GAB2: variants seen among roughly 807,000 people sequenced by gnomAD.
GAB2 encodes GRB2 associated binding protein 2.
In GAB2, 26 loss-of-function variants were observed where a neutral mutation model predicts 65.5. The ratio of observed to expected loss-of-function variants is 0.40; its 90% CI spans 0.29 to 0.55. The LOEUF is 0.55. Among genes scored for constraint, GAB2 ranks in the 20% least tolerant of loss-of-function variants. The pLI is 0.53. For synonymous variants in GAB2, 321 were observed against 329.6 expected (o/e 0.97, Z 0.28); for missense variants, 884 against 875.8 (o/e 1.01, Z -0.12).
chr11:78,302,781 T>C (rs568744052), intron 1 of GAB2, among the ~76,000 whole-genome samples: 19 of 152,296 alleles, frequency 1.2e-4, no homozygotes, highest in Non-Finnish European at 2.5e-4. Flanking sequence ...CCATCCCAAA[T>C]ACCTATCAAT....
intron 1 of GAB2, among the ~76,000 whole-genome samples, chr11:78,330,057 A>G (rs1855889689): frequency 6.6e-6 from 1 of 152,192 alleles, no homozygotes; most frequent in Non-Finnish European, 1.5e-5. Flanking sequence ...CGGCTGAGGT[A>G]TTATCCAGCC....
intron 2 of GAB2, among the ~76,000 whole-genome samples, chr11:78,267,110 G>A (rs565882009): frequency 6.6e-6 from 1 of 152,296 alleles, no homozygotes; most frequent in South Asian, 2.1e-4. Context: ...CATAAAAGCA[G>A]GACAGGGTCC....
chr11:78,225,479 A>G (rs1331114670), intron 4 of GAB2, among the ~76,000 whole-genome samples: 1 of 152,006 alleles, frequency 6.6e-6, no homozygotes, highest in Non-Finnish European at 1.5e-5. Context: ...TACACCACTC[A>G]CCTGTCCTGC....
intron 1 of GAB2, among the ~76,000 whole-genome samples, chr11:78,314,494 C>G (rs1855561229): frequency 1.3e-5 from 2 of 152,182 alleles, no homozygotes; most frequent in East Asian, 1.9e-4. Flanking sequence ...CCACCTTGAT[C>G]TTCTGCTAGT....
At chr11:78,240,833 CAG>C (rs1432781780) in intron 3 of GAB2, among the ~76,000 whole-genome samples, 2 of 152,212 alleles carry the variant, frequency 1.3e-5, no homozygotes, top group Non-Finnish European at 2.9e-5. Context: ...GAGGGTTCAA[CAG>C]AGTCATATCA....
chr11:78,219,148 T>C lies in GAB2; in HGVS notation c.*124A>G. 1.1e-6 allele frequency: 1 copy of C among 936,108 alleles called. No homozygotes were observed. Among genetic ancestry groups the C allele is most frequent in the Non-Finnish European group, 1.6e-6 (1 of 618,824 alleles). The allele number at this position is 936,108 out of a possible 1,614,324, so 58.0% of individuals were successfully genotyped here. The stretch of plus-strand genomic sequence containing the variant: ...TCAGGGTCCCTGATGTCAAGTGCTT[T>C]GAAGGCTGAGACTGGCAGAGTAGAG... On this transcript the variant is annotated 3_prime_UTR_variant, in exon 10 of 10. Coordinates refer to ENST00000361507, the MANE Select transcript of GAB2 (RefSeq NM_080491.3).
rs2135088098 is a variant in GAB2, at chr11:78,405,784, T to G, written c.75+11862A>C. On this transcript the variant is annotated intron_variant, in intron 1 of 9. Transcript: ENST00000361507. Reference sequence around the variant, plus strand: ...TTCCATGAGTTTTCTTTATGCCTCATATATCTCAGACTTGGAGCTGAAGCA... The same window carrying G: ...TTCCATGAGTTTTCTTTATGCCTCAGATATCTCAGACTTGGAGCTGAAGCA... Among the ~76,000 whole-genome samples the G allele has an allele frequency of 2.0e-5, 3 of 152,290 alleles. No homozygotes were observed. The South Asian group carries it at 6.2e-4, about 32-fold the overall frequency.
chr11:78,330,884 T>C (rs984002917), intron 1 of GAB2, among the ~76,000 whole-genome samples: 1 of 152,108 alleles, frequency 6.6e-6, no homozygotes, highest in Non-Finnish European at 1.5e-5. Flanking sequence ...TTATTAATAG[T>C]AGAACCAGGC....
In GAB2 at chr11:78,226,862, G is replaced by A. The variant is rs761046150; in HGVS notation, c.810C>T (p.Arg270=). The change falls in exon 4 of 10, where the codon CGC becomes CGT. Residue 270 remains arginine, a synonymous_variant. Transcript: ENST00000361507. The stretch of plus-strand genomic sequence containing the variant: ...TGGTGTGGCCATGGGAGGCCAGGCT[G>A]CGGGGGAGGTCGTAGGTACTGTCTC... ...EFRDSTYDLP[R]SLASHGHTKG... is the part of the protein sequence containing the mutation. 1 of 1,614,132 alleles carries A rather than the reference G, an allele frequency of 6.2e-7. No individual in the cohort carries two copies. Among genetic ancestry groups the A allele is most frequent in the East Asian group, 2.2e-5 (1 of 44,876 alleles).
chr11:78,352,194 C>A (rs59094938), intron 1 of GAB2, among the ~76,000 whole-genome samples: 31 of 152,260 alleles, frequency 2.0e-4, no homozygotes, highest in African/African-American at 7.5e-4. Context: ...GCCTGGGCAA[C>A]AGGACTGAGA....
In GAB2 at chr11:78,381,856, T is replaced by C. The variant is rs560476291; in HGVS notation, c.75+35790A>G. Among the ~76,000 whole-genome samples, 12 of 152,338 alleles carry C rather than the reference T, an allele frequency of 7.9e-5. No homozygotes were observed. The East Asian group carries it at 1.5e-3, about 20-fold the overall frequency. ...GAACCAGAGGTGGCTGTATCACATA[T>C]GTGAGGTCAGGCCATTAAAACCTAC... On this transcript the variant is annotated intron_variant, in intron 1 of 9. Transcript: ENST00000361507.
chr11:78,355,533 G>A (rs1306190785), intron 1 of GAB2, among the ~76,000 whole-genome samples: 2 of 152,024 alleles, frequency 1.3e-5, no homozygotes, highest in South Asian at 4.2e-4. Context: ...AAGCTCAGGC[G>A]GGGCATGATG....
chr11:78,399,758 C>T (rs985884434), intron 1 of GAB2, among the ~76,000 whole-genome samples: 1 of 152,172 alleles, frequency 6.6e-6, no homozygotes, highest in Non-Finnish European at 1.5e-5. Flanking sequence ...CATCCCTATG[C>T]CACCTCCCCC....
chr11:78,396,101 C>A (rs1856891516), intron 1 of GAB2, among the ~76,000 whole-genome samples: 1 of 152,136 alleles, frequency 6.6e-6, no homozygotes, highest in African/African-American at 2.4e-5. Flanking sequence ...GTAGTAAGTT[C>A]CTTAATTTTC....
At chr11:78,410,155 A>C (rs1857108062) in intron 1 of GAB2, among the ~76,000 whole-genome samples, 5 of 152,244 alleles carry the variant, frequency 3.3e-5, no homozygotes, top group Admixed American at 3.3e-4. Flanking sequence ...AATTCATAGC[A>C]GTAAATGAAT....
intron 1 of GAB2, among the ~76,000 whole-genome samples, chr11:78,313,279 A>G (rs940207067): frequency 9.9e-5 from 15 of 152,148 alleles, no homozygotes; most frequent in Non-Finnish European, 1.9e-4. Flanking sequence ...ACCTACCACA[A>G]TAAAGCAAAG....
Position 78,416,392 on chromosome 11 carries a change from G to C in GAB2, c.75+1254C>G, listed in dbSNP as rs548341739. Among the ~76,000 whole-genome samples, 11 of 152,310 alleles carry C rather than the reference G, an allele frequency of 7.2e-5. No individual in the cohort carries two copies. The South Asian group carries it at 2.3e-3, about 32-fold the overall frequency. On this transcript the variant is annotated intron_variant, in intron 1 of 9. Transcript: ENST00000361507. ...AACAGAATGTCACTTCCTCAGTCCA[G>C]AGGCCAGAAGTCCCTTGATTCTGAT...
chr11:78,316,490 A>T (rs1241424102), intron 1 of GAB2, among the ~76,000 whole-genome samples: 2 of 152,238 alleles, frequency 1.3e-5, no homozygotes, highest in South Asian at 4.1e-4. Context: ...AAGGACTTGA[A>T]TAGACATCTC....
chr11:78,269,559 G>T (rs1865958174), intron 2 of GAB2, among the ~76,000 whole-genome samples: 1 of 152,210 alleles, frequency 6.6e-6, no homozygotes, highest in Non-Finnish European at 1.5e-5. Flanking sequence ...ATTCTCTCTA[G>T]AAAGAGCTAT....
Sources: allele counts gnomAD v4.1 joint callset (sites outside exome capture counted in the v4.1 genomes callset), GRCh38; gene constraint gnomAD v4.1.1; transcripts MANE v1.5; gene names NCBI Gene and HGNC (gene_info 2026-07-23, HGNC 2026-07-21).